The following ARFGEF1 variants were observed in gnomAD, a reference collection of about 807,000 sequenced individuals.
The protein encoded by ARFGEF1 is brefeldin A-inhibited guanine nucleotide-exchange protein 1.
A neutral mutation model predicts 231.0 loss-of-function variants in ARFGEF1; 42 were observed. The observed-to-expected ratio is 0.18, with a 90% confidence interval of 0.14 to 0.24. The LOEUF is 0.24. ARFGEF1 is among the 10% of genes least tolerant of loss of function. The probability of loss-of-function intolerance (pLI) is 1.00; values close to 1 mark genes in which losing one functional copy is unlikely to be tolerated. For synonymous variants in ARFGEF1, 710 were observed against 732.3 expected (o/e 0.97, Z 0.49); for missense variants, 1,345 against 2,192.0 (o/e 0.61, Z 7.72).
chr8:67,182,177 A>AT (rs1009562501), intron 5 of ARFGEF1, among the ~76,000 whole-genome samples: 2 of 151,872 alleles, frequency 1.3e-5, no homozygotes, highest in Non-Finnish European at 2.9e-5. Context: ...TAATTTTTGT[A>AT]TTTTTTGTAG....
chr8:67,276,025 A>G lies in ARFGEF1; in HGVS notation c.1288T>C (p.Leu430=). The change falls in exon 9 of 39, where the codon TTG becomes CTG. Residue 430 remains leucine (L), a synonymous_variant. Transcript: ENST00000262215. ...QKDAFLVFRS[L]CKLSMKPLSD... ...AGTGGTTTCATTGACAGTTTACACA[A>G]TGACCTGAATACTAGAAAGGCATCC... The G allele has an allele frequency of 3.1e-6, 5 of 1,613,490 alleles. No individual in the cohort carries two copies. Among genetic ancestry groups the G allele is most frequent in the Non-Finnish European group, 4.2e-6 (5 of 1,179,538 alleles).
chr8:67,343,626 C>T lies in ARFGEF1; in HGVS notation c.-339G>A. On this transcript the variant is annotated 5_prime_UTR_variant, in exon 1 of 39. Transcript: ENST00000262215. The stretch of plus-strand genomic sequence containing the variant: ...CGGTGAGGGAGCCCGGCCCGGGCGG[C>T]TGTCTGCCGGGAACTGAGGGACGAG... 3.9e-6 allele frequency: 4 copies of T among 1,035,410 alleles called. No homozygotes were observed. The highest frequency in any genetic ancestry group is 4.6e-6 in the Non-Finnish European group (4 of 862,952). The allele number at this position is 1,035,410 out of a possible 1,614,324, so 64.1% of individuals were successfully genotyped here.
intron 7 of ARFGEF1, among the ~76,000 whole-genome samples, chr8:67,283,183 T>C (rs1805609497): frequency 6.6e-6 from 1 of 152,168 alleles, no homozygotes; most frequent in South Asian, 2.1e-4. Context: ...TACAGTGACA[T>C]TATAGCACTG....
In ARFGEF1 at chr8:67,267,004, C is replaced by CA. The variant is rs1330596111; in HGVS notation, c.1813-21dup. On this transcript the variant is annotated intron_variant, in intron 12 of 38. Transcript: ENST00000262215. ...CAATTCCTACAAAGTAATTCAAAAA[C>CA]AAAATTTTTTTTAAAGGTCTTTTAA... 5 of 1,608,408 alleles carry CA rather than the reference C, an allele frequency of 3.1e-6. No individual in the cohort carries two copies. In the African/African-American group the frequency reaches 4.0e-5, roughly 13 times the overall value.
At chr8:67,287,207 T>C (rs1411287214) in intron 7 of ARFGEF1, among the ~76,000 whole-genome samples, 2 of 152,206 alleles carry the variant, frequency 1.3e-5, no homozygotes, top group African/African-American at 4.8e-5. Flanking sequence ...AAGAGTGTAA[T>C]TTATGCTGAA....
Position 67,301,313 on chromosome 8 carries a change from T to A in ARFGEF1, c.223A>T (p.Ile75Phe). The A allele has an allele frequency of 2.5e-6, 4 of 1,614,172 alleles. No individual in the cohort carries two copies. The highest frequency in any genetic ancestry group is 3.4e-6 in the Non-Finnish European group (4 of 1,180,030). ...GGCAAGAAGTACTTGTCTGCTTCAA[T>A]AAAATTTGTCTTTGATTTCACTGGT... is the stretch of plus-strand genomic sequence containing the variant. ...LPPVKSKTNF[I>F]EADKYFLPFE... The change falls in exon 3 of 39, where the codon ATT becomes TTT. Residue 75 changes from isoleucine to phenylalanine, a missense_variant. Physicochemically the swap from Ile to Phe is conservative, Grantham distance 21. Transcript: ENST00000262215.
chr8:67,261,203 G>T (rs1162355702), intron 14 of ARFGEF1, among the ~76,000 whole-genome samples: 2 of 152,212 alleles, frequency 1.3e-5, no homozygotes, highest in Non-Finnish European at 2.9e-5. Flanking sequence ...CTAAACAACA[G>T]ATTTTCCATG....
intron 1 of ARFGEF1, among the ~76,000 whole-genome samples, chr8:67,335,311 T>C (rs112837520): frequency 6.2e-4 from 95 of 152,122 alleles, no homozygotes; most frequent in African/African-American, 2.1e-3. Context: ...TTCACTGTGT[T>C]AGCCAGGATG....
Position 67,259,868 on chromosome 8 carries a change from T to C in ARFGEF1, c.2182A>G (p.Thr728Ala), listed in dbSNP as rs777222331. 3 of 1,613,496 alleles carry C rather than the reference T, an allele frequency of 1.9e-6. No homozygotes were observed. In the East Asian group the frequency reaches 6.7e-5, roughly 36 times the overall value. Residue 728 changes from threonine (T) to alanine (A), a missense_variant, in exon 15 of 39, where the codon ACC becomes GCC. By Grantham distance (58) the Thr-to-Ala change is moderately conservative. This residue lies in a region of ARFGEF1 where 105 missense variants were observed against 159.3 expected (regional missense o/e 0.66). Transcript: ENST00000262215. ...AATTGGGCAATATCTTCAGGTGTGG[T>C]GCCAAGCATCCCTTGTTCTTGGAGG... ...QYLQEQGMLG[T>A]TPEDIAQFLH...
intron 3 of ARFGEF1, among the ~76,000 whole-genome samples, chr8:67,300,684 A>C (rs12681239): frequency 0.28 from 41,418 of 146,738 alleles, 6,225 homozygotes; most frequent in East Asian, 0.38. Context: ...AAAAAAAAAA[A>C]AATACAAAAA....
chr8:67,267,997 T>TA (rs34393488), intron 10 of ARFGEF1, among the ~76,000 whole-genome samples: 2,038 of 152,300 alleles, frequency 0.013, 41 homozygotes, highest in African/African-American at 0.046. Flanking sequence ...CACTACTCTT[T>TA]ACACCAAATA....
chr8:67,176,230 G>T (rs1224805668), intron 5 of ARFGEF1, among the ~76,000 whole-genome samples: 1 of 152,122 alleles, frequency 6.6e-6, no homozygotes, highest in Non-Finnish European at 1.5e-5. Context: ...CATGGAAAAT[G>T]AGTAATGAAA....
chr8:67,325,025 T>C (rs1807769200), intron 1 of ARFGEF1, among the ~76,000 whole-genome samples: 1 of 151,984 alleles, frequency 6.6e-6, no homozygotes, highest in South Asian at 2.1e-4. Context: ...GCAATTCTCC[T>C]GCCTCAGCCT....
At chr8:67,329,601 A>T (rs1808007560) in intron 1 of ARFGEF1, among the ~76,000 whole-genome samples, 1 of 150,938 alleles carries the variant, frequency 6.6e-6, no homozygotes. Flanking sequence ...AAATGGAAAG[A>T]GCTAGAAAAA....
chr8:67,279,528 G>A (rs1039914216), intron 7 of ARFGEF1, among the ~76,000 whole-genome samples: 2 of 152,066 alleles, frequency 1.3e-5, no homozygotes, highest in East Asian at 1.9e-4. Context: ...ACCTCAGCTC[G>A]TGTTCATTTT....
intron 9 of ARFGEF1, 40 bp downstream of exon 9, chr8:67,275,936 A>G: frequency 6.2e-7 from 1 of 1,609,032 alleles, no homozygotes; most frequent in Non-Finnish European, 8.5e-7. Context: ...TTTCAAGCCT[A>G]AAAACCTCTA....
intron 5 of ARFGEF1, among the ~76,000 whole-genome samples, chr8:67,292,680 T>A (rs957175645): frequency 1.3e-5 from 2 of 152,124 alleles, no homozygotes; most frequent in African/African-American, 4.8e-5. Context: ...TCTACAAATG[T>A]CTGAATTTTA....
chr8:67,228,219 C>T lies in ARFGEF1; in HGVS notation c.3421+5G>A, dbSNP rs778696444. On this transcript the variant is annotated splice_donor_5th_base_variant and intron_variant, in intron 24 of 38. Coordinates refer to ENST00000262215, the MANE Select transcript of ARFGEF1 (RefSeq NM_006421.5). ...TTCCGAAGTAGAATAAATGCCCATA[C>T]TTACCAATGGCATTTCCATCTAGCC... 32 of 1,610,814 alleles carry T rather than the reference C, an allele frequency of 2.0e-5. No homozygotes were observed. Among genetic ancestry groups the T allele is most frequent in the Non-Finnish European group, 2.6e-5 (31 of 1,178,276 alleles).
At chr8:67,233,773 T>C (rs1375269745) in intron 22 of ARFGEF1, among the ~76,000 whole-genome samples, 1 of 152,052 alleles carries the variant, frequency 6.6e-6, no homozygotes, top group Non-Finnish European at 1.5e-5. Context: ...ATAAACTCTT[T>C]ACCCTAGCAT....
Sources: gnomAD v4.1 joint callset for allele counts (sites outside exome capture counted in the v4.1 genomes callset) on GRCh38, gnomAD v4.1.1 for gene constraint, gnomAD v4.1.1 regional missense constraint, MANE v1.5 for transcripts, NCBI Gene and HGNC (gene_info 2026-07-23, HGNC 2026-07-21) for gene names.